NPR3: variants seen among roughly 807,000 people sequenced by gnomAD.
The protein encoded by NPR3 is atrial natriuretic peptide receptor 3.
Under a neutral mutation model 54.5 loss-of-function variants are expected in NPR3, and 34 were observed. The observed-to-expected ratio is 0.62, with a 90% CI of 0.47 to 0.83. NPR3 has a LOEUF of 0.83. NPR3 is among the 40% of genes least tolerant of loss of function. The probability of loss-of-function intolerance (pLI) is 0.00; values close to 1 mark genes in which losing one functional copy is unlikely to be tolerated. For missense variants in NPR3, 674 were observed against 720.8 expected, an observed-to-expected ratio of 0.94 and a Z score of 0.74; for synonymous variants, 289 against 297.1, an observed-to-expected ratio of 0.97 and a Z score of 0.28.
chr5:32,708,699 A>G (rs1188191743), upstream of NPR3, among the ~76,000 whole-genome samples: 1 of 152,164 alleles, frequency 6.6e-6, no homozygotes, highest in Non-Finnish European at 1.5e-5. Flanking sequence ...AGAACTACTT[A>G]TTTACACAAA....
At position 32,711,547 on chromosome 5, in the gene NPR3, ACTTTTT is replaced by A. The variant is rs59057102; in HGVS notation, c.-211_-206del. On this transcript the variant is annotated 5_prime_UTR_variant, in exon 1 of 8. Coordinates refer to ENST00000265074, the MANE Select transcript of NPR3 (RefSeq NM_001204375.2). ...AGACGCACAGGTTTACACCCGGTGAACTTTTTCTTTTTCTTTTTCTTTTTTTTTTAA... is the reference window on the plus strand; with the variant it reads ...AGACGCACAGGTTTACACCCGGTGAACTTTTTCTTTTTCTTTTTTTTTTAA... 357 of 966,080 alleles carry A rather than the reference ACTTTTT, an allele frequency of 3.7e-4. 2 individuals carry two copies. Among genetic ancestry groups the A allele is most frequent in the South Asian group, 3.0e-3 (58 of 19,480 alleles). The allele number at this position is 966,080 out of a possible 1,614,324, so 59.8% of individuals were successfully genotyped here. A position where few individuals can be genotyped will look rare whatever the true frequency, so the allele number is the denominator to read the frequency against.
At chr5:32,782,840 T>C (rs1742407676) in intron 5 of NPR3, 53 bp from the exon 6 acceptor site, 2 of 1,530,066 alleles carry the variant, frequency 1.3e-6, no homozygotes, top group Non-Finnish European at 1.8e-6. Flanking sequence ...GCTGCGAGCT[T>C]TGTGCCTCCT....
At chr5:32,766,226 G>A (rs1741466244) in intron 3 of NPR3, among the ~76,000 whole-genome samples, 1 of 152,184 alleles carries the variant, frequency 6.6e-6, no homozygotes, top group Non-Finnish European at 1.5e-5. Context: ...TACTCTAGAG[G>A]TCCCTAGCAG....
At chr5:32,736,224 C>G (rs1739735938) in intron 2 of NPR3, among the ~76,000 whole-genome samples, 1 of 110,072 alleles carries the variant, frequency 9.1e-6, no homozygotes, top group South Asian at 2.9e-4. Flanking sequence ...GAGAGACACT[C>G]TGTCTCAAAA....
chr5:32,704,750 C>G (rs1026046764), upstream of NPR3, among the ~76,000 whole-genome samples: 1 of 152,206 alleles, frequency 6.6e-6, no homozygotes, highest in African/African-American at 2.4e-5. Context: ...CCCAATGGCT[C>G]TGCAACATGC....
chr5:32,701,668 G>T (rs143052918), intron 1 of NPR3, among the ~76,000 whole-genome samples: 263 of 152,284 alleles, frequency 1.7e-3, no homozygotes, highest in African/African-American at 6.2e-3. Context: ...AGGCTTTCCA[G>T]GTATTCAAAG....
At chr5:32,779,675 A>AAAATTCCC (rs1742237088) in intron 4 of NPR3, among the ~76,000 whole-genome samples, 1 of 152,126 alleles carries the variant, frequency 6.6e-6, no homozygotes, top group Non-Finnish European at 1.5e-5. Flanking sequence ...ACATCCCTAT[A>AAAATTCCC]AAATTCCCAC....
intron 7 of NPR3, 88 bp downstream of exon 7, chr5:32,784,971 A>G: frequency 9.1e-7 from 1 of 1,099,664 alleles, no homozygotes; most frequent in Non-Finnish European, 1.4e-6. Flanking sequence ...ATTTGTCCAC[A>G]TCCCTCTTTC....
At chr5:32,773,035 A>G (rs563047653) in intron 3 of NPR3, among the ~76,000 whole-genome samples, 9 of 145,854 alleles carry the variant, frequency 6.2e-5, no homozygotes, top group Admixed American at 5.6e-4. Context: ...ACAGAACCGT[A>G]TCTTGTGAAT....
At chr5:32,745,827 T>A (rs1484603798) in intron 3 of NPR3, among the ~76,000 whole-genome samples, 1 of 152,244 alleles carries the variant, frequency 6.6e-6, no homozygotes, top group Non-Finnish European at 1.5e-5. Flanking sequence ...TTTTCTGAAG[T>A]ATAAACCATC....
intron 1 of NPR3, among the ~76,000 whole-genome samples, chr5:32,694,326 A>G (rs1740472244): frequency 6.6e-6 from 1 of 152,246 alleles, no homozygotes; most frequent in Non-Finnish European, 1.5e-5. Flanking sequence ...ACAAATTACA[A>G]CATAACAATA....
chr5:32,735,694 T>C (rs1473281183), intron 2 of NPR3, among the ~76,000 whole-genome samples: 20 of 152,090 alleles, frequency 1.3e-4, no homozygotes, highest in Admixed American at 1.3e-3. Context: ...TGCTCATAAA[T>C]CTCTAGAGGC....
chr5:32,784,360 T>C (rs1157130194), intron 6 of NPR3, among the ~76,000 whole-genome samples: 1 of 152,192 alleles, frequency 6.6e-6, no homozygotes. Context: ...AGCTGATTTT[T>C]GTATTTTTAG....
intron 1 of NPR3, among the ~76,000 whole-genome samples, chr5:32,723,199 C>G (rs1738956189): frequency 6.6e-6 from 1 of 152,204 alleles, no homozygotes; most frequent in Non-Finnish European, 1.5e-5. Flanking sequence ...GCACCCAGGT[C>G]TCTCCAGGTC....
At chr5:32,724,417 T>C (rs1436863269) in intron 1 of NPR3, among the ~76,000 whole-genome samples, 1 of 152,218 alleles carries the variant, frequency 6.6e-6, no homozygotes, top group Non-Finnish European at 1.5e-5. Context: ...TCTGATTAGA[T>C]GTAGGCTGCC....
chr5:32,765,571 G>C (rs1374295359), intron 3 of NPR3, among the ~76,000 whole-genome samples: 1 of 152,200 alleles, frequency 6.6e-6, no homozygotes, highest in Non-Finnish European at 1.5e-5. Context: ...AAAGATACCT[G>C]AGGTTTGGCT....
intron 3 of NPR3, among the ~76,000 whole-genome samples, chr5:32,756,246 A>G (rs1187446454): frequency 6.6e-6 from 1 of 152,206 alleles, no homozygotes; most frequent in African/African-American, 2.4e-5. Context: ...CAGTTTCTCC[A>G]CATCCTCTCC....
chr5:32,728,118 T>C (rs1419723714), intron 2 of NPR3, among the ~76,000 whole-genome samples: 1 of 152,174 alleles, frequency 6.6e-6, no homozygotes. Flanking sequence ...GAGTTTAAGT[T>C]TTTAGTGTTT....
At chr5:32,759,624 T>C (rs111859230) in intron 3 of NPR3, among the ~76,000 whole-genome samples, 25 of 152,364 alleles carry the variant, frequency 1.6e-4, no homozygotes, top group African/African-American at 5.3e-4. Flanking sequence ...AGTATAGTTA[T>C]GTGTGAATTT....
Sources: gnomAD v4.1 joint callset for allele counts (sites outside exome capture counted in the v4.1 genomes callset) on GRCh38, gnomAD v4.1.1 for gene constraint, MANE v1.5 for transcripts, NCBI Gene and HGNC (gene_info 2026-07-23, HGNC 2026-07-21) for gene names.